NCOR1: variants seen among roughly 807,000 people sequenced by gnomAD.
NCOR1 encodes nuclear receptor corepressor 1.
NCOR1 carries 63 observed loss-of-function variants against 288.1 expected under a neutral mutation model. That is an observed-to-expected ratio of 0.22 (90% CI 0.18 to 0.27). The LOEUF (loss-of-function observed/expected upper bound fraction) is 0.27, where lower values mean the gene tolerates loss of function less well. Among genes scored for constraint, NCOR1 ranks in the 10% least tolerant of loss-of-function variants. The pLI, the probability that NCOR1 is intolerant of heterozygous loss-of-function variation, is 1.00. For synonymous variants in NCOR1, 1,007 were observed against 1,065.9 expected, an observed-to-expected ratio of 0.94 and a Z score of 1.08; for missense variants, 2,397 against 3,019.2, an observed-to-expected ratio of 0.79 and a Z score of 4.83.
intron 1 of NCOR1, chr17:16,198,182 C>T (rs1466669255): frequency 6.7e-6 from 1 of 150,104 alleles, no homozygotes; most frequent in East Asian, 2.0e-4. Flanking sequence ...ACGGTGAAAC[C>T]CCATCTCTAC....
intron 2 of NCOR1, among the ~76,000 whole-genome samples, chr17:16,187,572 C>A (rs1429341662): frequency 6.6e-6 from 1 of 150,820 alleles, no homozygotes; most frequent in Non-Finnish European, 1.5e-5. Flanking sequence ...GCACAAAAGG[C>A]CACATATTAT....
chr17:16,042,283 A>AGT (rs1297940466), intron 42 of NCOR1, among the ~76,000 whole-genome samples: 11 of 139,486 alleles, frequency 7.9e-5, no homozygotes, highest in African/African-American at 3.1e-4. Flanking sequence ...GTTATCATGA[A>AGT]GTGTGTGGAA....
chr17:16,206,243 G>C (rs561705362), intron 1 of NCOR1, among the ~76,000 whole-genome samples: 3 of 150,320 alleles, frequency 2.0e-5, no homozygotes, highest in East Asian at 3.9e-4. Context: ...CTACAAAGCT[G>C]TTTGTACAAG....
At chr17:16,116,735 T>C (rs2071676726) in intron 18 of NCOR1, among the ~76,000 whole-genome samples, 1 of 152,240 alleles carries the variant, frequency 6.6e-6, no homozygotes, top group African/African-American at 2.4e-5. Context: ...TTATGTTTAC[T>C]TCCCATTACA....
intron 21 of NCOR1, among the ~76,000 whole-genome samples, chr17:16,092,693 ATATTT>A (rs1340137117): frequency 3.9e-4 from 5 of 12,774 alleles, no homozygotes; most frequent in African/African-American, 6.3e-4. Context: ...ATATATATAT[ATATTT>A]TTTTTTTTTT....
intron 1 of NCOR1, among the ~76,000 whole-genome samples, chr17:16,208,379 C>T (rs1468464526): frequency 6.6e-6 from 1 of 151,398 alleles, no homozygotes; most frequent in Non-Finnish European, 1.5e-5. Context: ...ATTTCTAACT[C>T]ACAGTTTTTT....
At position 16,121,138 on chromosome 17, in the gene NCOR1, A is replaced by G; in HGVS notation, c.1766T>C (p.Met589Thr). ...GRRKGRITRSMTNEAAAASAA... is the reference protein window; with the variant it reads ...GRRKGRITRSTTNEAAAASAA... ...ACTGGCAGCTGCAGCTTCGTTTGTC[A>G]TGGACCTGGTGATCCGGCCCTTACG... The change falls in exon 16 of 46, where the codon ATG becomes ACG. Residue 589 changes from methionine (M) to threonine (T), a missense_variant. Physicochemically the swap from Met to Thr is moderately conservative, Grantham distance 81. Around this residue, in one of 11 missense-constraint regions of NCOR1, gnomAD observed 113 missense variants for 139.5 expected, o/e 0.81. Coordinates refer to ENST00000268712, the MANE Select transcript of NCOR1 (RefSeq NM_006311.4). 2 of 1,614,158 alleles carry G rather than the reference A, an allele frequency of 1.2e-6. No homozygotes were observed. The highest frequency in any genetic ancestry group is 1.7e-6 in the Non-Finnish European group (2 of 1,180,022).
rs1223394624 is a variant in NCOR1 at position 16,058,557 on chromosome 17, A to C, written c.5924T>G (p.Val1975Gly). Reference sequence around the variant, plus strand: ...CGCAGGTGAGCTGGCAGGACTTATCACCTCAATAGCATCGCTAGGTGTTTC... The same window carrying C: ...CGCAGGTGAGCTGGCAGGACTTATCCCCTCAATAGCATCGCTAGGTGTTTC... Reference protein sequence around the residue: ...RYETPSDAIEVISPASSPAPP... With the variant: ...RYETPSDAIEGISPASSPAPP... The change falls in exon 38 of 46, where the codon GTG becomes GGG. Residue 1975 changes from valine (V) to glycine (G), a missense_variant. Val to Gly is a moderately radical substitution (Grantham distance 109). Around this residue, in one of 11 missense-constraint regions of NCOR1, gnomAD observed 1,872 missense variants for 2,187.8 expected, o/e 0.86. Transcript: ENST00000268712. 6.2e-7 allele frequency: 1 copy of C among 1,613,542 alleles called. No homozygotes were observed. Among genetic ancestry groups the C allele is most frequent in the African/African-American group, 1.3e-5 (1 of 75,034 alleles).
intron 36 of NCOR1, 47 bp downstream of exon 36, chr17:16,062,057 TG>T (rs781036252): frequency 1.9e-6 from 3 of 1,596,506 alleles, no homozygotes; most frequent in Non-Finnish European, 1.7e-6. Flanking sequence ...AATTTTAAAA[TG>T]TATATGCAAG....
intron 41 of NCOR1, among the ~76,000 whole-genome samples, chr17:16,047,350 A>G (rs970329344): frequency 6.6e-6 from 1 of 152,218 alleles, no homozygotes; most frequent in Non-Finnish European, 1.5e-5. Flanking sequence ...AATTCTTAGG[A>G]AGGAATGAAG....
intron 30 of NCOR1, 59 bp from the exon 31 acceptor site, chr17:16,070,584 C>T: frequency 6.4e-7 from 1 of 1,573,780 alleles, no homozygotes; most frequent in South Asian, 1.2e-5. Flanking sequence ...TTTTCTATCT[C>T]AGGTCTATGT....
intron 42 of NCOR1, chr17:16,044,906 CA>C: frequency 1.5e-6 from 1 of 680,762 alleles, no homozygotes; most frequent in Admixed American, 2.1e-5. Flanking sequence ...TGGAAGCAAA[CA>C]AAGAAGAATC....
At chr17:16,152,137 C>G in intron 7 of NCOR1, 139 bp from the exon 8 acceptor site, 1 of 522,524 alleles carries the variant, frequency 1.9e-6, no homozygotes. Flanking sequence ...AACCTCCAAA[C>G]TTTTATTTTT....
At chr17:16,208,166 G>C (rs1178432814) in intron 1 of NCOR1, among the ~76,000 whole-genome samples, 2 of 137,610 alleles carry the variant, frequency 1.5e-5, no homozygotes, top group South Asian at 4.7e-4. Context: ...TCAGCCTCCT[G>C]AGTAGCTGGG....
At chr17:16,033,273 T>G (rs572309601) in intron 45 of NCOR1, among the ~76,000 whole-genome samples, 4 of 145,290 alleles carry the variant, frequency 2.8e-5, no homozygotes, top group African/African-American at 1.1e-4. Flanking sequence ...AGGCGGAGGT[T>G]GCTGTGAGCC....
chr17:16,101,795 A>G (rs766013252), intron 19 of NCOR1, 38 bp from the exon 20 acceptor site: 47 of 1,611,320 alleles, frequency 2.9e-5, no homozygotes, highest in Non-Finnish European at 3.6e-5. Context: ...TATCAGAACT[A>G]TTTTCTGCAC....
intron 6 of NCOR1, among the ~76,000 whole-genome samples, chr17:16,154,628 A>G (rs2079420667): frequency 6.6e-6 from 1 of 152,220 alleles, no homozygotes; most frequent in Admixed American, 6.5e-5. Context: ...TATTACTAAG[A>G]AAAGAGTATG....
intron 7 of NCOR1, 44 bp downstream of exon 7, chr17:16,153,293 CAA>C: frequency 7.1e-7 from 1 of 1,416,586 alleles, no homozygotes; most frequent in South Asian, 1.3e-5. Context: ...AAACTACCAC[CAA>C]AAATTAAAAA....
chr17:16,100,434 A>G (rs2067410529), intron 20 of NCOR1, among the ~76,000 whole-genome samples: 1 of 152,166 alleles, frequency 6.6e-6, no homozygotes, highest in Non-Finnish European at 1.5e-5. Flanking sequence ...TGAGGTCAGG[A>G]GTTTGAGACC....
Sources: gnomAD v4.1 joint callset for allele counts (sites outside exome capture counted in the v4.1 genomes callset) on GRCh38, gnomAD v4.1.1 for gene constraint, gnomAD v4.1.1 regional missense constraint, MANE v1.5 for transcripts, NCBI Gene and HGNC (gene_info 2026-07-23, HGNC 2026-07-21) for gene names.